ARHGAP26: variants seen among roughly 807,000 people sequenced by gnomAD.
The protein encoded by ARHGAP26 is rho GTPase-activating protein 26.
ARHGAP26 carries 38 observed loss-of-function variants against 104.8 expected under a neutral mutation model. The observed-to-expected ratio is 0.36, with a 90% CI of 0.28 to 0.48. ARHGAP26 has a LOEUF of 0.48. ARHGAP26 is among the 20% of genes least tolerant of loss of function. ARHGAP26 has a pLI of 0.99. For missense variants in ARHGAP26, 704 were observed against 947.9 expected (o/e 0.74, Z 3.38); for synonymous variants, 341 against 340.0 (o/e 1.00, Z -0.03).
rs576319649 is a variant in ARHGAP26, at chr5:143,101,068, G to A, written c.1539-19920G>A. Among the ~76,000 whole-genome samples the A allele has an allele frequency of 4.6e-5, 7 of 152,236 alleles. No homozygotes were observed. The South Asian group carries it at 1.5e-3, about 32-fold the overall frequency. On this transcript the variant is annotated intron_variant, in intron 17 of 22. Transcript: ENST00000645722. Reference sequence around the variant, plus strand: ...ACATTGTGTCACTACACTCCAGCCTGGGCAACAAAGCAAGACTCTATCTCA... The same window carrying A: ...ACATTGTGTCACTACACTCCAGCCTAGGCAACAAAGCAAGACTCTATCTCA...
At position 142,903,689 on chromosome 5, in the gene ARHGAP26, A is replaced by G. The variant is rs1298117036; in HGVS notation, c.832+20A>G. 3 of 1,612,028 alleles carry G rather than the reference A, an allele frequency of 1.9e-6. No homozygotes were observed. The South Asian group carries it at 3.3e-5, about 18-fold the overall frequency. ...AGAAACGTGAGTGCTTTGACTAGCA[A>G]CAGCTTGGGATGTACTCAGGCCTCT... On this transcript the variant is annotated intron_variant, in intron 8 of 22. Coordinates refer to ENST00000645722, the MANE Select transcript of ARHGAP26 (RefSeq NM_001135608.3).
chr5:142,993,461 G>A (rs910081396), intron 11 of ARHGAP26, among the ~76,000 whole-genome samples: 3 of 151,946 alleles, frequency 2.0e-5, no homozygotes, highest in Non-Finnish European at 2.9e-5. Context: ...GAGCCACCAC[G>A]CCCGGCCCAA....
chr5:142,848,047 C>T (rs960262226), intron 1 of ARHGAP26, among the ~76,000 whole-genome samples: 2 of 152,170 alleles, frequency 1.3e-5, no homozygotes, highest in Admixed American at 6.5e-5. Flanking sequence ...TTGTTCAATC[C>T]AATTGAATGG....
chr5:142,811,760 TA>T (rs1561882510), intron 1 of ARHGAP26, among the ~76,000 whole-genome samples: 1 of 152,258 alleles, frequency 6.6e-6, no homozygotes, highest in Non-Finnish European at 1.5e-5. Context: ...TATTACTTAA[TA>T]AATGCTAGCT....
At position 142,846,410 on chromosome 5, in the gene ARHGAP26, C is replaced by G. The variant is rs74397029; in HGVS notation, c.155-26990C>G. On this transcript the variant is annotated intron_variant, in intron 1 of 22. Transcript: ENST00000645722. ...CTGTCTCTTGCTCCCAGGGGAATGT[C>G]TTTTGGTGTGGCCCAGGTGAGCCAG... Among the ~76,000 whole-genome samples the G allele has an allele frequency of 5.8e-3, 887 of 152,284 alleles. 21 individuals are homozygous for G. The East Asian group carries it at 0.069, about 12-fold the overall frequency.
intron 1 of ARHGAP26, among the ~76,000 whole-genome samples, chr5:142,831,314 T>C (rs1382386599): frequency 6.6e-6 from 1 of 152,238 alleles, no homozygotes; most frequent in Non-Finnish European, 1.5e-5. Context: ...TTTGTGGCAC[T>C]GTGTTATTCT....
At chr5:143,070,914 A>G (rs1023955569) in intron 17 of ARHGAP26, among the ~76,000 whole-genome samples, 1 of 147,694 alleles carries the variant, frequency 6.8e-6, no homozygotes, top group Non-Finnish European at 1.5e-5. Context: ...ACTATCGCAG[A>G]AAAAAAAACA....
At chr5:142,915,468 C>T (rs1762358126) in intron 10 of ARHGAP26, 1 of 151,766 alleles carries the variant, frequency 6.6e-6, no homozygotes, top group Admixed American at 6.6e-5. Context: ...AAGTGATTCT[C>T]TTGCCTCAGC....
chr5:143,208,821 T>C (rs1809002588), intron 21 of ARHGAP26, among the ~76,000 whole-genome samples: 2 of 152,256 alleles, frequency 1.3e-5, no homozygotes, highest in African/African-American at 4.8e-5. Flanking sequence ...AGTAATTCTT[T>C]TTTTTCTCAC....
At chr5:142,964,596 A>G (rs1430913190) in intron 11 of ARHGAP26, among the ~76,000 whole-genome samples, 1 of 149,152 alleles carries the variant, frequency 6.7e-6, no homozygotes, top group African/African-American at 2.5e-5. Context: ...AGCAAAAAAA[A>G]CCGATGTTAA....
intron 1 of ARHGAP26, among the ~76,000 whole-genome samples, chr5:142,824,493 C>A (rs1766829784): frequency 6.6e-6 from 1 of 152,158 alleles, no homozygotes; most frequent in Non-Finnish European, 1.5e-5. Flanking sequence ...TGTATAAGCT[C>A]CAGAGTGGGT....
At chr5:142,918,421 A>G (rs1274559359) in intron 10 of ARHGAP26, among the ~76,000 whole-genome samples, 1 of 152,242 alleles carries the variant, frequency 6.6e-6, no homozygotes, top group African/African-American at 2.4e-5. Context: ...TGCTGGGATT[A>G]CAGGTGTGAG....
chr5:143,058,102 C>T, intron 17 of ARHGAP26: 1 of 471,728 alleles, frequency 2.1e-6, no homozygotes, highest in African/African-American at 2.0e-5. Context: ...CAAGAACAAA[C>T]AAAAATATGT....
At chr5:143,068,513 G>T (rs539100820) in intron 17 of ARHGAP26, among the ~76,000 whole-genome samples, 15 of 152,286 alleles carry the variant, frequency 9.8e-5, no homozygotes, top group African/African-American at 3.1e-4. Context: ...CACTAGAGCC[G>T]ATTGACTCCC....
intron 1 of ARHGAP26, among the ~76,000 whole-genome samples, chr5:142,827,664 G>C (rs1243024709): frequency 6.6e-6 from 1 of 152,178 alleles, no homozygotes; most frequent in African/African-American, 2.4e-5. Context: ...GTGGGCTATT[G>C]AGTTAATGTG....
intron 10 of ARHGAP26, among the ~76,000 whole-genome samples, chr5:142,927,362 C>T (rs1032417490): frequency 6.6e-6 from 1 of 151,436 alleles, no homozygotes; most frequent in African/African-American, 2.4e-5. Flanking sequence ...CTTCTGACTT[C>T]TGTTGCCATA....
intron 1 of ARHGAP26, among the ~76,000 whole-genome samples, chr5:142,812,352 C>T (rs1313148763): frequency 6.6e-6 from 1 of 151,948 alleles, no homozygotes; most frequent in Admixed American, 6.6e-5. Context: ...CTTCTAGGCT[C>T]AAGCAATCTT....
intron 11 of ARHGAP26, among the ~76,000 whole-genome samples, chr5:142,987,544 T>TGGTGAGG (rs1331708059): frequency 1.3e-5 from 2 of 151,914 alleles, no homozygotes; most frequent in African/African-American, 4.8e-5. Flanking sequence ...TGAATAGGAG[T>TGGTGAGG]GGTGAGAGAG....
intron 14 of ARHGAP26, among the ~76,000 whole-genome samples, chr5:143,047,776 A>G (rs1044040306): frequency 1.3e-5 from 2 of 151,560 alleles, no homozygotes; most frequent in African/African-American, 4.9e-5. Context: ...TTCTTAGCCT[A>G]TTTTTCTATT....
Sources: gnomAD v4.1 joint callset for allele counts (sites outside exome capture counted in the v4.1 genomes callset) on GRCh38, gnomAD v4.1.1 for gene constraint, MANE v1.5 for transcripts, NCBI Gene and HGNC (gene_info 2026-07-23, HGNC 2026-07-21) for gene names.